The following IFT172 variants were observed in gnomAD, a reference collection of about 807,000 sequenced individuals.
IFT172 encodes intraflagellar transport 172.
In IFT172, 164 loss-of-function variants were observed where a neutral mutation model predicts 248.9. That is an observed-to-expected ratio of 0.66 (90% confidence interval 0.58 to 0.75). The LOEUF (loss-of-function observed/expected upper bound fraction) is 0.75. Ranked by LOEUF, IFT172 falls within the 30% of genes least tolerant of loss-of-function variation. The pLI is 0.00. For synonymous variants in IFT172, 729 were observed against 791.6 expected (o/e 0.92, Z 1.33); for missense variants, 1,950 against 2,192.4 (o/e 0.89, Z 2.21).
chr2:27,472,059 A>C, intron 15 of IFT172, 191 bp downstream of exon 15: 1 of 587,620 alleles, frequency 1.7e-6, no homozygotes, highest in Non-Finnish European at 3.0e-6. Context: ...AAAAAGAGGT[A>C]ATAAAGGATG....
chr2:27,446,576 C>G (rs1006792481), intron 42 of IFT172: 18 of 453,094 alleles, frequency 4.0e-5, no homozygotes, highest in Non-Finnish European at 6.4e-5. Flanking sequence ...TGCAGTGGTG[C>G]CATCTCAGCT....
At chr2:27,458,040 A>C (rs902989596) in intron 27 of IFT172, 64 bp from the exon 28 acceptor site, 1 of 1,613,048 alleles carries the variant, frequency 6.2e-7, no homozygotes, top group Non-Finnish European at 8.5e-7. Context: ...CCTTCTGGGC[A>C]GAGGGTACAC....
At chr2:27,485,252 G>A in intron 2 of IFT172, 108 bp downstream of exon 2, 2 of 1,543,378 alleles carry the variant, frequency 1.3e-6, no homozygotes, top group Non-Finnish European at 8.8e-7. Flanking sequence ...TGAGAAAAAG[G>A]TGGGGTATGC....
chr2:27,446,107 C>G, intron 43 of IFT172, 119 bp from the exon 44 acceptor site: 1 of 1,414,664 alleles, frequency 7.1e-7, no homozygotes, highest in African/African-American at 1.4e-5. Flanking sequence ...TCTCTGGGAT[C>G]CAGGGAGAAA....
At position 27,445,509 on chromosome 2, in the gene IFT172, T is replaced by G. The variant is rs1414744843; in HGVS notation, c.4915-60A>C. Reference sequence around the variant, plus strand: ...CAGGGCAGGGCAGGACAAGTTGGGGTGGATGGGTGAGGAGGGGGTTTGCTA... The same window carrying G: ...CAGGGCAGGGCAGGACAAGTTGGGGGGGATGGGTGAGGAGGGGGTTTGCTA... On this transcript the variant is annotated intron_variant, in intron 45 of 47. Coordinates refer to ENST00000260570, the MANE Select transcript of IFT172 (RefSeq NM_015662.3). The surrounding 1 kb of genome is among the most constrained non-coding windows in gnomAD (Gnocchi z 4.4). 4.5e-6 allele frequency: 7 copies of G among 1,550,248 alleles called. No individual in the cohort carries two copies. Among genetic ancestry groups the G allele is most frequent in the Non-Finnish European group, 6.1e-6 (7 of 1,142,582 alleles).
chr2:27,455,868 T>A, intron 30 of IFT172: 2 of 419,752 alleles, frequency 4.8e-6, no homozygotes, highest in Non-Finnish European at 8.9e-6. Flanking sequence ...TCTAGAGATG[T>A]AATACATATT....
Position 27,489,663 on chromosome 2 carries a change from C to T in IFT172, c.-10G>A, listed in dbSNP as rs777338025. 6 of 1,609,534 alleles carry T rather than the reference C, an allele frequency of 3.7e-6. No individual in the cohort carries two copies. Among genetic ancestry groups the T allele is most frequent in the African/African-American group, 1.3e-5 (1 of 74,906 alleles). On this transcript the variant is annotated 5_prime_UTR_variant, in exon 1 of 48. Transcript: ENST00000260570. Reference sequence around the variant, plus strand: ...GGTGCTTCAAGTGCATGACGCACACCTGTCTTTCAGATGCTCCTAGACAGC... The same window carrying T: ...GGTGCTTCAAGTGCATGACGCACACTTGTCTTTCAGATGCTCCTAGACAGC...
chr2:27,454,035 C>A lies in IFT172; in HGVS notation c.3658G>T (p.Glu1220Ter), dbSNP rs865947014. ...ALEEKDFQKA[E>*]GLLLRAQRPG... ...CTCTGGGCCCGGAGCAGCAGCCCTT[C>A]TGCTTTCTGAAAGTCCTTCTCCTCC... Residue 1220 changes from glutamate to a stop codon, truncating the protein, a stop_gained, in exon 33 of 48, where the codon GAA (glutamate) becomes TAA (stop). Coordinates refer to ENST00000260570, the MANE Select transcript of IFT172 (RefSeq NM_015662.3). LOFTEE classifies it high-confidence loss of function. The surrounding 1 kb of genome is among the most constrained non-coding windows in gnomAD (Gnocchi z 4.2). The A allele has an allele frequency of 2.5e-6, 4 of 1,614,036 alleles. No homozygotes were observed. Among genetic ancestry groups the A allele is most frequent in the Non-Finnish European group, 3.4e-6 (4 of 1,180,038 alleles).
intron 16 of IFT172, among the ~76,000 whole-genome samples, chr2:27,468,573 G>T (rs1329345006): frequency 6.6e-6 from 1 of 152,102 alleles, no homozygotes; most frequent in East Asian, 1.9e-4. Flanking sequence ...AGAGAGGCCA[G>T]GCACGATGGT....
At chr2:27,450,952 T>TC (rs1491557110) in intron 35 of IFT172, among the ~76,000 whole-genome samples, 2 of 125,346 alleles carry the variant, frequency 1.6e-5, no homozygotes, top group Admixed American at 1.5e-4. Flanking sequence ...TTTTTACCTG[T>TC]TTTTTTTTTT....
At chr2:27,485,654 G>T in intron 1 of IFT172, 151 bp from the exon 2 acceptor site, 1 of 848,850 alleles carries the variant, frequency 1.2e-6, no homozygotes, top group Non-Finnish European at 1.8e-6. Flanking sequence ...GGCCCATGCT[G>T]GTCTCCAAGG....
At chr2:27,465,908 C>A (rs769753037) in intron 16 of IFT172, 26 bp from the exon 17 acceptor site, 156 of 1,613,474 alleles carry the variant, frequency 9.7e-5, no homozygotes, top group Non-Finnish European at 1.2e-4. Flanking sequence ...CCCCAACCCA[C>A]CCCAATTTCA....
chr2:27,448,613 C>T (rs941824146), intron 40 of IFT172, among the ~76,000 whole-genome samples: 1 of 152,098 alleles, frequency 6.6e-6, no homozygotes, highest in African/African-American at 2.4e-5. Flanking sequence ...AATAAAGGCC[C>T]TAGAGGTGTA....
chr2:27,459,252 G>T, intron 25 of IFT172, 126 bp downstream of exon 25: 1 of 1,198,372 alleles, frequency 8.3e-7, no homozygotes, highest in Non-Finnish European at 1.2e-6. Context: ...CCCCTTCAAG[G>T]TGATGATGCT....
At chr2:27,448,292 G>A (rs1665349954) in intron 40 of IFT172, among the ~76,000 whole-genome samples, 1 of 152,044 alleles carries the variant, frequency 6.6e-6, no homozygotes, top group African/African-American at 2.4e-5. Context: ...GTAGAGACGG[G>A]GTTTCACCGT....
At chr2:27,477,967 C>T in intron 11 of IFT172, 28 bp downstream of exon 11, 3 of 1,613,290 alleles carry the variant, frequency 1.9e-6, no homozygotes, top group Non-Finnish European at 2.5e-6. Context: ...GCCCTATTCC[C>T]CACCCTACCC....
intron 4 of IFT172, 71 bp downstream of exon 4, chr2:27,484,156 T>TAA (rs745997294): frequency 6.3e-7 from 1 of 1,589,794 alleles, no homozygotes. Flanking sequence ...AACTCCTGGC[T>TAA]GTATTTATAA....
intron 1 of IFT172, among the ~76,000 whole-genome samples, chr2:27,485,733 G>T (rs1220513081): frequency 6.6e-6 from 1 of 152,142 alleles, no homozygotes; most frequent in African/African-American, 2.4e-5. Flanking sequence ...TAAGAGGCAG[G>T]GTGCTAAGTC....
chr2:27,483,988 A>G (rs559108319), intron 4 of IFT172, 51 bp from the exon 5 acceptor site: 1 of 1,526,484 alleles, frequency 6.6e-7, no homozygotes, highest in African/African-American at 1.4e-5. Context: ...GTGGGCCAGC[A>G]CTTTTATAAC....
Sources: allele counts gnomAD v4.1 joint callset (sites outside exome capture counted in the v4.1 genomes callset), GRCh38; gene constraint gnomAD v4.1.1; non-coding constraint Gnocchi (gnomAD v3.1); transcripts MANE v1.5; gene names NCBI Gene and HGNC (gene_info 2026-07-23, HGNC 2026-07-21).